DMD: variants seen among roughly 807,000 people sequenced by gnomAD.
DMD encodes the protein mutant dystrophin.
DMD carries 63 observed loss-of-function variants against 330.1 expected under a neutral mutation model. That is an observed-to-expected ratio of 0.19 (90% CI 0.16 to 0.24). DMD has a LOEUF of 0.24. Ranked by LOEUF, DMD falls within the 10% of genes least tolerant of loss-of-function variation. The pLI is 1.00. For synonymous variants in DMD, 1,223 were observed against 959.8 expected, an observed-to-expected ratio of 1.27 and a Z score of -5.07; for missense variants, 3,344 against 2,684.1, an observed-to-expected ratio of 1.25 and a Z score of -5.43.
chrX:32,742,105 G>A (rs1056191684), intron 7 of DMD, among the ~76,000 whole-genome samples: 2 of 111,454 alleles, frequency 1.8e-5, no homozygotes, highest in Non-Finnish European at 3.8e-5. Flanking sequence ...ACTTGGCTAT[G>A]GTCATGCCAC....
chrX:32,847,015 A>C (rs2080748026), intron 3 of DMD, among the ~76,000 whole-genome samples: 1 of 111,275 alleles, frequency 9.0e-6, no homozygotes, highest in Non-Finnish European at 1.9e-5. Context: ...AAATAAAAAA[A>C]AAATACATGA....
At chrX:31,985,345 T>C (rs901612434) in intron 44 of DMD, among the ~76,000 whole-genome samples, 5 of 112,325 alleles carry the variant, frequency 4.5e-5, no homozygotes, top group African/African-American at 1.3e-4. Flanking sequence ...AAGAAACATA[T>C]GCCCCACTCT....
chrX:33,119,983 G>T (rs1454274611), intron 1 of DMD, among the ~76,000 whole-genome samples: 1 of 111,136 alleles, frequency 9.0e-6, no homozygotes, highest in Non-Finnish European at 1.9e-5. Context: ...GTTTCCTTTC[G>T]ATCCACCTCC....
chrX:31,889,840 C>T (rs1322851174), intron 47 of DMD, among the ~76,000 whole-genome samples: 1 of 110,232 alleles, frequency 9.1e-6, no homozygotes, highest in Non-Finnish European at 1.9e-5. Context: ...ATCTTATTTG[C>T]TTGAAGGACC....
chrX:31,488,445 T>C (rs1003628848), intron 57 of DMD, among the ~76,000 whole-genome samples: 6 of 110,893 alleles, frequency 5.4e-5, no homozygotes, highest in African/African-American at 2.0e-4. Context: ...ATCTGAATCA[T>C]ACCCTTTGTG....
intron 1 of DMD, among the ~76,000 whole-genome samples, chrX:33,030,587 T>C (rs2094091393): frequency 9.0e-6 from 1 of 111,707 alleles, no homozygotes. Context: ...ATGAGAAAGA[T>C]GACTTATTTT....
At chrX:31,560,209 T>A (rs754180370) in intron 55 of DMD, among the ~76,000 whole-genome samples, 1 of 111,896 alleles carries the variant, frequency 8.9e-6, no homozygotes, top group Non-Finnish European at 1.9e-5. Flanking sequence ...CTTCTTACAA[T>A]GCAGATTCTG....
chrX:31,789,010 T>G (rs1212367459), intron 50 of DMD, among the ~76,000 whole-genome samples: 1 of 110,941 alleles, frequency 9.0e-6, no homozygotes, highest in Non-Finnish European at 1.9e-5. Context: ...TGTAGTTGAG[T>G]CTTGTTGTTT....
At chrX:31,404,510 T>C (rs1198000342) in intron 60 of DMD, among the ~76,000 whole-genome samples, 1 of 112,063 alleles carries the variant, frequency 8.9e-6, no homozygotes, top group Non-Finnish European at 1.9e-5. Context: ...GCAATCAATA[T>C]AATCCATAAC....
chrX:31,459,170 T>C (rs1290257766), intron 59 of DMD, among the ~76,000 whole-genome samples: 1 of 111,502 alleles, frequency 9.0e-6, no homozygotes, highest in Non-Finnish European at 1.9e-5. Context: ...GCAGGTAAAA[T>C]GCCGTTGCAT....
chrX:32,998,488 C>G (rs1258239524), intron 2 of DMD, among the ~76,000 whole-genome samples: 1 of 108,833 alleles, frequency 9.2e-6, no homozygotes, highest in Non-Finnish European at 1.9e-5. Flanking sequence ...TGATGAACAA[C>G]TAATCTGAGA....
chrX:31,294,187 C>T (rs1296626363), intron 62 of DMD, among the ~76,000 whole-genome samples: 2 of 111,741 alleles, frequency 1.8e-5, no homozygotes, highest in African/African-American at 6.5e-5. Context: ...TAGACAAAAG[C>T]AACTTAGTCC....
intron 2 of DMD, among the ~76,000 whole-genome samples, chrX:33,012,302 G>A (rs1210639614): frequency 4.5e-5 from 5 of 111,337 alleles, no homozygotes; most frequent in African/African-American, 1.3e-4. Context: ...CACATCATTC[G>A]ACAAGTCATC....
chrX:32,701,955 T>C (rs2064176697), intron 7 of DMD, among the ~76,000 whole-genome samples: 1 of 111,874 alleles, frequency 8.9e-6, no homozygotes, highest in Non-Finnish European at 1.9e-5. Context: ...TGCCCCAAAC[T>C]ATTACTATCC....
At chrX:32,349,014 G>A (rs1002428732) in intron 37 of DMD, among the ~76,000 whole-genome samples, 7 of 111,486 alleles carry the variant, frequency 6.3e-5, no homozygotes, top group African/African-American at 9.7e-5. Context: ...TTTTAGCACA[G>A]CACAATTGAC....
chrX:32,584,272 A>G lies in DMD; in HGVS notation c.1603-10426T>C, dbSNP rs182370939. On this transcript the variant is annotated intron_variant, in intron 13 of 78. Coordinates refer to ENST00000357033, the MANE Select transcript of DMD (RefSeq NM_004006.3). ...CAGAAAGGCTCAAATTAAAAAGTTTAACAAACAAGTATTCAAGAAGATATG... is the reference window on the plus strand; with the variant it reads ...CAGAAAGGCTCAAATTAAAAAGTTTGACAAACAAGTATTCAAGAAGATATG... Among the ~76,000 whole-genome samples the G allele has an allele frequency of 3.6e-5, 4 of 111,862 alleles. No individual in the cohort carries two copies. In the East Asian group the frequency reaches 8.4e-4, roughly 24 times the overall value.
intron 77 of DMD, among the ~76,000 whole-genome samples, chrX:31,129,497 C>A (rs2147712314): frequency 8.9e-6 from 1 of 111,888 alleles, no homozygotes; most frequent in African/African-American, 3.2e-5. Flanking sequence ...CAGGGATTGG[C>A]AAATTTTCCC....
chrX:33,014,104 C>T (rs1261431365), intron 2 of DMD, among the ~76,000 whole-genome samples: 2 of 111,419 alleles, frequency 1.8e-5, no homozygotes, highest in African/African-American at 3.3e-5. Flanking sequence ...AGTTAAGATT[C>T]GGGGACAGTG....
At chrX:31,670,185 T>G (rs941207049) in intron 53 of DMD, among the ~76,000 whole-genome samples, 27 of 112,095 alleles carry the variant, frequency 2.4e-4, no homozygotes, top group African/African-American at 8.7e-4. Context: ...ATTTCTAATA[T>G]TTTTTCATAG....
Sources: gnomAD v4.1 joint callset for allele counts (sites outside exome capture counted in the v4.1 genomes callset) on GRCh38, gnomAD v4.1.1 for gene constraint, MANE v1.5 for transcripts, NCBI Gene and HGNC (gene_info 2026-07-23, HGNC 2026-07-21) for gene names.